Variants in NDUFB9 observed in about 807,000 individuals in gnomAD.
NDUFB9 encodes the protein NADH:ubiquinone oxidoreductase subunit B9.
Under a neutral mutation model 30.2 loss-of-function variants are expected in NDUFB9, and 24 were observed. That is an observed-to-expected ratio of 0.80 (90% confidence interval 0.58 to 1.12). The LOEUF (loss-of-function observed/expected upper bound fraction) is 1.12. NDUFB9 is among the 50% of genes most tolerant of loss of function. The probability of loss-of-function intolerance (pLI) is 0.00; values close to 1 mark genes in which losing one functional copy is unlikely to be tolerated. For missense variants in NDUFB9, 204 were observed against 226.0 expected (o/e 0.90, Z 0.62); for synonymous variants, 80 against 84.0 (o/e 0.95, Z 0.26).
At chr8:124,547,974 G>C (rs1281021792) in intron 3 of NDUFB9, among the ~76,000 whole-genome samples, 1 of 151,114 alleles carries the variant, frequency 6.6e-6, no homozygotes, top group African/African-American at 2.4e-5. Flanking sequence ...GACAGAGCAA[G>C]ACTCCATCCC....
rs1821807707 is a variant in NDUFB9, at chr8:124,539,248, A to T, written c.62A>T (p.Lys21Met). 6.2e-6 allele frequency: 10 copies of T among 1,614,082 alleles called. No homozygotes were observed. Among genetic ancestry groups the T allele is most frequent in the Non-Finnish European group, 8.5e-6 (10 of 1,180,044 alleles). Residue 21 changes from lysine (K) to methionine (M), a missense_variant, in exon 1 of 4, where the codon AAG becomes ATG. Lys to Met is a moderately conservative substitution (Grantham distance 95). Transcript: ENST00000276689. ...CAGCAAAAGGTGTTGCGGCTTTATA[A>T]GCGGGCGCTACGCCACCTCGAGTCG... ...THQQKVLRLY[K>M]RALRHLESWC...
chr8:124,544,899 C>T (rs1288776295), intron 2 of NDUFB9, among the ~76,000 whole-genome samples: 2 of 152,194 alleles, frequency 1.3e-5, no homozygotes, highest in African/African-American at 4.8e-5. Flanking sequence ...TTCTAAATGC[C>T]ATTGAGGATA....
intron 3 of NDUFB9, among the ~76,000 whole-genome samples, chr8:124,548,317 T>C (rs747094702): frequency 4.3e-4 from 65 of 152,238 alleles, no homozygotes; most frequent in Non-Finnish European, 7.9e-4. Flanking sequence ...AAAAGGATTC[T>C]TTGTGCATTA....
chr8:124,541,882 G>A (rs1009719708), intron 1 of NDUFB9, among the ~76,000 whole-genome samples: 15 of 151,720 alleles, frequency 9.9e-5, no homozygotes, highest in East Asian at 1.9e-4. Context: ...GATTACAGGC[G>A]TGAGCCACCG....
In NDUFB9 at chr8:124,539,236, T is replaced by C. The variant is rs1425275407; in HGVS notation, c.50T>C (p.Leu17Ser). 12 of 1,614,050 alleles carry C rather than the reference T, an allele frequency of 7.4e-6. No individual in the cohort carries two copies. Among genetic ancestry groups the C allele is most frequent in the Admixed American group, 1.7e-5 (1 of 59,996 alleles). The change falls in exon 1 of 4, where the codon TTG becomes TCG. Residue 17 changes from leucine to serine, a missense_variant. Physicochemically the swap from Leu to Ser is moderately radical, Grantham distance 145 (BLOSUM62 -2). Transcript: ENST00000276689. ...TACCTGACCCATCAGCAAAAGGTGT[T>C]GCGGCTTTATAAGCGGGCGCTACGC... ...GPYLTHQQKVLRLYKRALRHL... is the reference protein window; with the variant it reads ...GPYLTHQQKVSRLYKRALRHL...
rs759625380 is a variant in NDUFB9, at chr8:124,539,250, C to T, written c.64C>T (p.Arg22Trp). 3.7e-6 allele frequency: 6 copies of T among 1,614,218 alleles called. No homozygotes were observed. The highest frequency in any genetic ancestry group is 1.1e-5 in the South Asian group (1 of 91,084). The change falls in exon 1 of 4, where the codon CGG (arginine) becomes TGG (tryptophan). Residue 22 changes from arginine to tryptophan, a missense_variant. Arg to Trp is a moderately radical substitution (Grantham distance 101). Coordinates refer to ENST00000276689, the MANE Select transcript of NDUFB9 (RefSeq NM_005005.3). ...GCAAAAGGTGTTGCGGCTTTATAAG[C>T]GGGCGCTACGCCACCTCGAGTCGTG... Reference protein sequence around the residue: ...HQQKVLRLYKRALRHLESWCV... With the variant: ...HQQKVLRLYKWALRHLESWCV...
chr8:124,543,102 C>T lies in NDUFB9; in HGVS notation c.117C>T (p.Tyr39=), dbSNP rs1413337612. ...SWCVQRDKYR[Y]FACLMRARFE... Reference sequence around the variant, plus strand: ...TTGGTTTAAGAGACAAATACCGATACTTTGCTTGTTTGATGAGAGCCCGGT... The same window carrying T: ...TTGGTTTAAGAGACAAATACCGATATTTTGCTTGTTTGATGAGAGCCCGGT... The change falls in exon 2 of 4, where the codon TAC becomes TAT. Residue 39 remains tyrosine, a synonymous_variant. Transcript: ENST00000276689. The T allele has an allele frequency of 2.5e-6, 4 of 1,614,166 alleles. No individual in the cohort carries two copies. Among genetic ancestry groups the T allele is most frequent in the Admixed American group, 1.7e-5 (1 of 60,026 alleles).
At chr8:124,542,832 TAAATCCTCA>T in intron 1 of NDUFB9, 2 of 270,974 alleles carry the variant, frequency 7.4e-6, no homozygotes, top group Non-Finnish European at 1.4e-5. Context: ...TTTTTTTGTT[TAAATCCTCA>T]TTCCATTGTT....
rs187788746 is a variant in NDUFB9, at chr8:124,548,451, A to G, written c.409-1310A>G. Among the ~76,000 whole-genome samples the G allele has an allele frequency of 1.8e-4, 27 of 152,292 alleles. No individual in the cohort carries two copies. The East Asian group carries it at 4.6e-3, about 26-fold the overall frequency. On this transcript the variant is annotated intron_variant, in intron 3 of 3. Coordinates refer to ENST00000276689, the MANE Select transcript of NDUFB9 (RefSeq NM_005005.3). ...AAAGCCCAGAATGAGTGGGTGCAGC[A>G]TATTTGGAGAATGTGGACAAGATGT...
intron 1 of NDUFB9, among the ~76,000 whole-genome samples, chr8:124,540,145 C>T (rs895253900): frequency 1.3e-5 from 2 of 152,118 alleles, no homozygotes; most frequent in South Asian, 2.1e-4. Context: ...CAGAGGGTAC[C>T]CTCGAAGCCC....
chr8:124,547,218 C>T, intron 3 of NDUFB9, 105 bp downstream of exon 3: 1 of 833,380 alleles, frequency 1.2e-6, no homozygotes, highest in Non-Finnish European at 2.1e-6. Flanking sequence ...TTACTCTGGG[C>T]CCTTGCTTCT....
chr8:124,541,453 T>C (rs915398405), intron 1 of NDUFB9, among the ~76,000 whole-genome samples: 2 of 152,220 alleles, frequency 1.3e-5, no homozygotes, highest in African/African-American at 4.8e-5. Context: ...TCCAGTATGA[T>C]ATTAGTAACT....
Position 124,546,808 on chromosome 8 carries a change from C to G in NDUFB9, c.295-192C>G, listed in dbSNP as rs115449696. On this transcript the variant is annotated intron_variant, in intron 2 of 3. Transcript: ENST00000276689. ...CTATTTTTCAGCACAGTCTTTGACT[C>G]TAAGGTGTTTTCCTTTATCTTTGCT... 1,194 of 630,264 alleles carry G rather than the reference C, an allele frequency of 1.9e-3. 14 individuals are homozygous for G. Among genetic ancestry groups the G allele is most frequent in the African/African-American group, 0.019 (1,041 of 55,092 alleles). The allele number at this position is 630,264 out of a possible 1,614,324, so 39.0% of individuals were successfully genotyped here.
chr8:124,547,124 C>T lies in NDUFB9; in HGVS notation c.408+11C>T, dbSNP rs759375342. 8 of 1,593,776 alleles carry T rather than the reference C, an allele frequency of 5.0e-6. No individual in the cohort carries two copies. Among genetic ancestry groups the T allele is most frequent in the African/African-American group, 4.0e-5 (3 of 74,402 alleles). The stretch of plus-strand genomic sequence containing the variant: ...AGCTGGGAACGAGAGGTGCGTTCTA[C>T]TTGTACTTCGTTATTCCTTAGCTAT... On this transcript the variant is annotated intron_variant, in intron 3 of 3. Transcript: ENST00000276689.
chr8:124,542,943 G>C, intron 1 of NDUFB9, 144 bp from the exon 2 acceptor site: 1 of 776,154 alleles, frequency 1.3e-6, no homozygotes, highest in Non-Finnish European at 2.2e-6. Flanking sequence ...AAGCAGCCAT[G>C]ATGATACGGC....
intron 2 of NDUFB9, among the ~76,000 whole-genome samples, chr8:124,544,458 A>G (rs1053792820): frequency 2.6e-5 from 4 of 152,212 alleles, no homozygotes; most frequent in African/African-American, 9.7e-5. Context: ...TACCATGTAG[A>G]ACTTTCATAC....
intron 2 of NDUFB9, among the ~76,000 whole-genome samples, chr8:124,545,979 A>T (rs961030525): frequency 6.6e-6 from 1 of 152,142 alleles, no homozygotes; most frequent in African/African-American, 2.4e-5. Context: ...AGTAGCTGGG[A>T]TTACAGGCAT....
Position 124,543,173 on chromosome 8 carries a change from T to C in NDUFB9, c.188T>C (p.Leu63Pro), listed in dbSNP as rs1822065329. The change falls in exon 2 of 4, where the codon CTG becomes CCG. Residue 63 changes from leucine to proline, a missense_variant. Physicochemically the swap from Leu to Pro is moderately conservative, Grantham distance 98. Transcript: ENST00000276689. ...NEKDMAKATQ[L>P]LKEAEEEFWY... is the part of the protein sequence containing the mutation. ...AAGGATATGGCGAAGGCCACCCAGC[T>C]GCTGAAGGAGGCCGAGGAAGAATTC... 1.2e-6 allele frequency: 2 copies of C among 1,614,230 alleles called. No individual in the cohort carries two copies. The highest frequency in any genetic ancestry group is 8.5e-7 in the Non-Finnish European group (1 of 1,180,020).
At chr8:124,546,769 G>A in intron 2 of NDUFB9, 1 of 585,816 alleles carries the variant, frequency 1.7e-6, no homozygotes, top group Non-Finnish European at 3.0e-6. Context: ...GTTCTCCTTG[G>A]ACTGATGATG....
Sources: gnomAD v4.1 joint callset for allele counts (sites outside exome capture counted in the v4.1 genomes callset) on GRCh38, gnomAD v4.1.1 for gene constraint, MANE v1.5 for transcripts, NCBI Gene and HGNC (gene_info 2026-07-23, HGNC 2026-07-21) for gene names.